Variants in CHODL observed in about 807,000 individuals in gnomAD.
CHODL encodes transmembrane protein MT75.
In CHODL, 29 loss-of-function variants were observed where a neutral mutation model predicts 34.5. The observed-to-expected ratio is 0.84, with a 90% confidence interval of 0.63 to 1.15. The LOEUF is 1.15. Ranked by LOEUF, CHODL falls within the 50% of genes most tolerant of loss-of-function variation. CHODL has a pLI of 0.00. For synonymous variants in CHODL, 125 were observed against 116.1 expected, an observed-to-expected ratio of 1.08 and a Z score of -0.49; for missense variants, 332 against 332.5, an observed-to-expected ratio of 1.00 and a Z score of 0.01.
chr21:18,076,718 A>G (rs1003251176), intron 2 of CHODL, among the ~76,000 whole-genome samples: 4 of 152,236 alleles, frequency 2.6e-5, no homozygotes, highest in African/African-American at 9.6e-5. Flanking sequence ...AATGATCCAG[A>G]GTCAATTTGC....
At chr21:18,042,053 G>A (rs924782460) in intron 2 of CHODL, among the ~76,000 whole-genome samples, 1 of 151,732 alleles carries the variant, frequency 6.6e-6, no homozygotes, top group African/African-American at 2.4e-5. Context: ...CTTATCACAT[G>A]AGCTGATGAA....
At chr21:18,151,741 G>T (rs1004596245) in intron 2 of CHODL, among the ~76,000 whole-genome samples, 10 of 152,182 alleles carry the variant, frequency 6.6e-5, no homozygotes, top group Admixed American at 3.9e-4. Context: ...AGGACACCCA[G>T]CTGGGGTCCA....
intron 2 of CHODL, among the ~76,000 whole-genome samples, chr21:18,114,577 C>T (rs983981312): frequency 1.6e-4 from 24 of 152,214 alleles, no homozygotes; most frequent in Middle Eastern, 6.8e-3. Flanking sequence ...CTCAGCCTCC[C>T]GAGTAGCTTA....
At chr21:18,223,020 G>A (rs979088381) in intron 2 of CHODL, among the ~76,000 whole-genome samples, 3 of 152,108 alleles carry the variant, frequency 2.0e-5, no homozygotes, top group Non-Finnish European at 4.4e-5. Context: ...AAAGTAAAAA[G>A]AGCCAATGAC....
chr21:18,236,614 C>T (rs1171674482), intron 2 of CHODL, among the ~76,000 whole-genome samples: 2 of 151,906 alleles, frequency 1.3e-5, no homozygotes, highest in South Asian at 4.2e-4. Context: ...ACCTCAACAC[C>T]ACACTAGAAA....
intron 1 of CHODL, among the ~76,000 whole-genome samples, chr21:17,993,588 G>A (rs2063818438): frequency 6.6e-6 from 1 of 152,170 alleles, no homozygotes; most frequent in African/African-American, 2.4e-5. Flanking sequence ...TGGCAAATAT[G>A]TACCACATTT....
At chr21:18,251,207 G>A (rs114617129) in intron 1 of CHODL, among the ~76,000 whole-genome samples, 6,220 of 150,270 alleles carry the variant, frequency 0.041, 407 homozygotes, top group African/African-American at 0.14. Context: ...AATGGCTAAG[G>A]AAAAAGACAA....
intron 2 of CHODL, among the ~76,000 whole-genome samples, chr21:18,194,302 G>A (rs563326213): frequency 1.3e-5 from 2 of 152,152 alleles, no homozygotes; most frequent in South Asian, 4.2e-4. Context: ...CTATCCCCAA[G>A]GCCTGTAATC....
chr21:18,078,362 A>C (rs977272462), intron 2 of CHODL, among the ~76,000 whole-genome samples: 1 of 152,154 alleles, frequency 6.6e-6, no homozygotes, highest in Non-Finnish European at 1.5e-5. Context: ...CGTATTCACT[A>C]TCACAAGAAC....
At chr21:18,025,031 G>T (rs1040407284) in intron 1 of CHODL, among the ~76,000 whole-genome samples, 2 of 151,990 alleles carry the variant, frequency 1.3e-5, no homozygotes, top group Admixed American at 1.3e-4. Flanking sequence ...AGAACCAAAA[G>T]AACAAAATAA....
chr21:18,252,273 A>G (rs2074266437), intron 1 of CHODL, among the ~76,000 whole-genome samples: 1 of 152,174 alleles, frequency 6.6e-6, no homozygotes, highest in Non-Finnish European at 1.5e-5. Flanking sequence ...TCTATCCCAT[A>G]AAATGTTGAT....
At chr21:17,946,866 C>T (rs774477685) in intron 1 of CHODL, among the ~76,000 whole-genome samples, 9 of 152,092 alleles carry the variant, frequency 5.9e-5, no homozygotes, top group Non-Finnish European at 1.2e-4. Flanking sequence ...CTTTCAATGT[C>T]TTTTAATTGG....
chr21:17,952,087 G>A (rs935722072), intron 1 of CHODL, among the ~76,000 whole-genome samples: 5 of 148,864 alleles, frequency 3.4e-5, no homozygotes, highest in Non-Finnish European at 5.9e-5. Context: ...ACATGGTGGT[G>A]CACACCTGTG....
chr21:18,168,045 T>C (rs2073179215), intron 2 of CHODL, among the ~76,000 whole-genome samples: 1 of 152,166 alleles, frequency 6.6e-6, no homozygotes, highest in Admixed American at 6.5e-5. Context: ...CTGTGATGAA[T>C]TCTTCCTGCC....
At chr21:17,993,667 A>C (rs984538321) in intron 1 of CHODL, among the ~76,000 whole-genome samples, 1 of 152,248 alleles carries the variant, frequency 6.6e-6, no homozygotes, top group Non-Finnish European at 1.5e-5. Context: ...GAATAGTGCC[A>C]CAATGAACAT....
intron 2 of CHODL, among the ~76,000 whole-genome samples, chr21:18,058,991 G>A (rs911902211): frequency 6.6e-6 from 1 of 152,096 alleles, no homozygotes; most frequent in African/African-American, 2.4e-5. Flanking sequence ...CCCTGACCTG[G>A]TGTTATGGAC....
chr21:18,222,089 A>G (rs1487814138), intron 2 of CHODL, among the ~76,000 whole-genome samples: 1 of 152,178 alleles, frequency 6.6e-6, no homozygotes, highest in Non-Finnish European at 1.5e-5. Context: ...ATAAGCCTGC[A>G]GTGACTCCAG....
chr21:17,931,156 T>G (rs955496219), intron 1 of CHODL, among the ~76,000 whole-genome samples: 6 of 152,192 alleles, frequency 3.9e-5, no homozygotes, highest in African/African-American at 1.4e-4. Context: ...CTGGTGCCTG[T>G]GCTCCTCATT....
chr21:18,138,958 C>T (rs1419956544), intron 2 of CHODL, among the ~76,000 whole-genome samples: 3 of 151,940 alleles, frequency 2.0e-5, no homozygotes, highest in Admixed American at 2.0e-4. Flanking sequence ...AGTGCAGTTG[C>T]AGTAGAAATG....
Sources: gnomAD v4.1 joint callset for allele counts (sites outside exome capture counted in the v4.1 genomes callset) on GRCh38, gnomAD v4.1.1 for gene constraint, MANE v1.5 for transcripts, NCBI Gene and HGNC (gene_info 2026-07-23, HGNC 2026-07-21) for gene names.